SNX27: variants seen among roughly 807,000 people sequenced by gnomAD.
SNX27 encodes the protein sorting nexin-27.
In SNX27, 22 loss-of-function variants were observed where a neutral mutation model predicts 71.6. The ratio of observed to expected loss-of-function variants is 0.31; its 90% CI spans 0.22 to 0.44. The LOEUF (loss-of-function observed/expected upper bound fraction) is 0.44. Among genes scored for constraint, SNX27 ranks in the 20% least tolerant of loss-of-function variants. The pLI is 1.00. For missense variants in SNX27, 531 were observed against 698.6 expected, an observed-to-expected ratio of 0.76 and a Z score of 2.70; for synonymous variants, 269 against 277.2, an observed-to-expected ratio of 0.97 and a Z score of 0.29.
At position 151,697,508 on chromosome 1, in the gene SNX27, G is replaced by A. The variant is rs1671821908; in HGVS notation, c.*3091G>A. The A allele has an allele frequency of 6.5e-6, 1 of 152,738 alleles. No homozygotes were observed. The highest frequency in any genetic ancestry group is 2.4e-5 in the African/African-American group (1 of 41,436). 9.5% of individuals were successfully genotyped at this position (152,738 alleles called of 1,614,324 possible). ...ATTTAGGAACAGCCCTTTTGAAAGT[G>A]TCCCAGTAACAACGCACCCAGCTGC... On this transcript the variant is annotated 3_prime_UTR_variant, in exon 12 of 12. Coordinates refer to ENST00000458013, the MANE Select transcript of SNX27 (RefSeq NM_001330723.2).
chr1:151,667,202 T>C (rs1015090442), intron 6 of SNX27: 5 of 122,102 alleles, frequency 4.1e-5, no homozygotes, highest in Admixed American at 2.3e-4. Context: ...TGAGCTATGA[T>C]TGTGCTACAA....
intron 10 of SNX27, 148 bp from the exon 11 acceptor site, chr1:151,693,276 G>A: frequency 1.1e-6 from 1 of 930,534 alleles, no homozygotes; most frequent in Non-Finnish European, 1.7e-6. Flanking sequence ...AATAGTGGAT[G>A]AACCAGGCCT....
Position 151,692,827 on chromosome 1 carries a change from T to C in SNX27, c.1390-84T>C, listed in dbSNP as rs1002082151. ...CAGACATCCATTCATTTCTCTTCTGTCTCCTGGTTCAGAACCCCCTACCTC... is the reference window on the plus strand; with the variant it reads ...CAGACATCCATTCATTTCTCTTCTGCCTCCTGGTTCAGAACCCCCTACCTC... On this transcript the variant is annotated intron_variant, in intron 9 of 11. Transcript: ENST00000458013. 7 of 1,566,532 alleles carry C rather than the reference T, an allele frequency of 4.5e-6. No homozygotes were observed. In the African/African-American group the frequency reaches 9.5e-5, roughly 21 times the overall value.
intron 5 of SNX27, among the ~76,000 whole-genome samples, chr1:151,664,529 C>T (rs1288531410): frequency 6.6e-6 from 1 of 152,098 alleles, no homozygotes; most frequent in Non-Finnish European, 1.5e-5. Context: ...ATTTAGAGAT[C>T]ATGATCTGCG....
chr1:151,690,301 T>G (rs550667280), intron 8 of SNX27, among the ~76,000 whole-genome samples: 12 of 152,234 alleles, frequency 7.9e-5, no homozygotes, highest in African/African-American at 2.4e-4. Flanking sequence ...ATTTGTGTGT[T>G]TGTTTGTTTT....
chr1:151,664,802 T>C (rs1221553766), intron 5 of SNX27, among the ~76,000 whole-genome samples: 1 of 152,168 alleles, frequency 6.6e-6, no homozygotes, highest in Non-Finnish European at 1.5e-5. Context: ...AGCTTTCTGA[T>C]CTTTTTGTTT....
chr1:151,654,407 GT>G (rs1669578509), intron 2 of SNX27, among the ~76,000 whole-genome samples: 2 of 151,904 alleles, frequency 1.3e-5, no homozygotes, highest in Non-Finnish European at 2.9e-5. Context: ...TTGGGAAAGC[GT>G]TTCCTGTCCC....
chr1:151,643,916 T>C (rs1201569603), intron 2 of SNX27, among the ~76,000 whole-genome samples: 1 of 152,198 alleles, frequency 6.6e-6, no homozygotes, highest in African/African-American at 2.4e-5. Flanking sequence ...TGCCTTGGCC[T>C]CCCAAGGTGC....
chr1:151,688,558 G>C (rs1671292604), intron 8 of SNX27, among the ~76,000 whole-genome samples: 1 of 151,468 alleles, frequency 6.6e-6, no homozygotes, highest in African/African-American at 2.4e-5. Flanking sequence ...CTTGAACCCG[G>C]GAGGCGGAGG....
intron 1 of SNX27, among the ~76,000 whole-genome samples, chr1:151,625,877 G>A (rs1257652305): frequency 6.6e-6 from 1 of 151,986 alleles, no homozygotes; most frequent in South Asian, 2.1e-4. Flanking sequence ...GAGCCTGGGA[G>A]GCAGAGGTTG....
chr1:151,666,080 A>G, intron 6 of SNX27, 69 bp downstream of exon 6: 1 of 1,253,386 alleles, frequency 8.0e-7, no homozygotes, highest in Non-Finnish European at 1.1e-6. Context: ...TACCTAGAGA[A>G]GAGCTTGAAG....
In SNX27 at chr1:151,612,579, C is replaced by T; in HGVS notation, c.311+67C>T. ...CCTCCTGCCCCTGCACTCCTCGCTA[C>T]CCTTGTCACCCCCAGGCCGCACCTC... On this transcript the variant is annotated intron_variant, in intron 1 of 11. Coordinates refer to ENST00000458013, the MANE Select transcript of SNX27 (RefSeq NM_001330723.2). This position sits in a 1 kb window ranked among gnomAD's most constrained non-coding sequence, Gnocchi z 5.2. The T allele has an allele frequency of 8.6e-7, 1 of 1,156,132 alleles. No homozygotes were observed. Among genetic ancestry groups the T allele is most frequent in the Non-Finnish European group, 1.1e-6 (1 of 900,070 alleles). 71.6% of individuals were successfully genotyped at this position (1,156,132 alleles called of 1,614,324 possible). A position where few individuals can be genotyped will look rare whatever the true frequency, so the allele number is the denominator to read the frequency against.
chr1:151,672,145 A>G (rs758969184), intron 7 of SNX27, among the ~76,000 whole-genome samples: 1 of 152,158 alleles, frequency 6.6e-6, no homozygotes, highest in Non-Finnish European at 1.5e-5. Context: ...TCTGTCATAT[A>G]TAGCTTTTAT....
At chr1:151,644,678 C>T (rs1438665173) in intron 2 of SNX27, among the ~76,000 whole-genome samples, 1 of 152,026 alleles carries the variant, frequency 6.6e-6, no homozygotes, top group Admixed American at 6.6e-5. Context: ...TAGGTTTAAC[C>T]TTTTGAGGAA....
chr1:151,675,692 TG>T (rs1262094574), intron 7 of SNX27, among the ~76,000 whole-genome samples: 1 of 151,710 alleles, frequency 6.6e-6, no homozygotes, highest in African/African-American at 2.4e-5. Context: ...AGAGCCAGGT[TG>T]TTTTTTGAGT....
At chr1:151,683,275 C>G in intron 7 of SNX27, 81 bp from the exon 8 acceptor site, 1 of 1,102,340 alleles carries the variant, frequency 9.1e-7, no homozygotes, top group East Asian at 2.5e-5. Context: ...TCTGAAAATG[C>G]GTCTGTGTCT....
At chr1:151,661,871 C>T (rs28663541) in intron 4 of SNX27, among the ~76,000 whole-genome samples, 2 of 152,220 alleles carry the variant, frequency 1.3e-5, no homozygotes, top group African/African-American at 4.8e-5. Flanking sequence ...GAAAGGGAAG[C>T]GAATCAAAAA....
At chr1:151,617,039 G>A (rs1426834540) in intron 1 of SNX27, among the ~76,000 whole-genome samples, 4 of 152,076 alleles carry the variant, frequency 2.6e-5, no homozygotes, top group African/African-American at 9.7e-5. Flanking sequence ...AATGAGCTAA[G>A]GTTATACCAA....
intron 3 of SNX27, among the ~76,000 whole-genome samples, chr1:151,658,906 G>C (rs546390856): frequency 6.0e-4 from 92 of 152,190 alleles, no homozygotes; most frequent in Non-Finnish European, 1.2e-3. Flanking sequence ...GGATGGTCTC[G>C]ATCTCTTGAC....
Sources: allele counts gnomAD v4.1 joint callset (sites outside exome capture counted in the v4.1 genomes callset), GRCh38; gene constraint gnomAD v4.1.1; non-coding constraint Gnocchi (gnomAD v3.1); transcripts MANE v1.5; gene names NCBI Gene and HGNC (gene_info 2026-07-23, HGNC 2026-07-21).